IPO11: variants seen among roughly 807,000 people sequenced by gnomAD.
The protein encoded by IPO11 is importin-11.
A neutral mutation model predicts 143.2 loss-of-function variants in IPO11; 66 were observed. That is an observed-to-expected ratio of 0.46 (90% CI 0.38 to 0.57). IPO11 has a LOEUF of 0.57. IPO11 is among the 20% of genes least tolerant of loss of function. IPO11 has a pLI of 0.00. For synonymous variants in IPO11, 385 were observed against 377.8 expected, an observed-to-expected ratio of 1.02 and a Z score of -0.22; for missense variants, 1,026 against 1,141.0, an observed-to-expected ratio of 0.90 and a Z score of 1.45.
intron 1 of IPO11, among the ~76,000 whole-genome samples, chr5:62,432,142 C>T (rs1308419568): frequency 6.6e-6 from 1 of 152,082 alleles, no homozygotes; most frequent in African/African-American, 2.4e-5. Context: ...TTCCTTTTAC[C>T]ACACCGTACT....
chr5:62,614,952 T>C (rs1209018939), intron 29 of IPO11, among the ~76,000 whole-genome samples: 3 of 152,112 alleles, frequency 2.0e-5, no homozygotes, highest in East Asian at 1.9e-4. Flanking sequence ...CCCTAGACTT[T>C]AGCCATCCAG....
At chr5:62,503,452 T>C (rs887821174) in intron 16 of IPO11, among the ~76,000 whole-genome samples, 10 of 150,332 alleles carry the variant, frequency 6.7e-5, no homozygotes, top group Non-Finnish European at 1.2e-4. Flanking sequence ...ATTCTATTAA[T>C]AGTTTAATAT....
intron 26 of IPO11, among the ~76,000 whole-genome samples, chr5:62,554,782 C>A (rs944329423): frequency 1.3e-5 from 2 of 152,152 alleles, no homozygotes; most frequent in Non-Finnish European, 2.9e-5. Flanking sequence ...GTGGCAGAAT[C>A]TTGGCTCACT....
intron 29 of IPO11, among the ~76,000 whole-genome samples, chr5:62,621,057 C>T (rs371780897): frequency 6.6e-6 from 1 of 152,320 alleles, no homozygotes; most frequent in South Asian, 2.1e-4. Context: ...ATCATTTCTG[C>T]TCACATTCCA....
At chr5:62,472,301 A>C (rs1425677959) in intron 7 of IPO11, among the ~76,000 whole-genome samples, 1 of 152,162 alleles carries the variant, frequency 6.6e-6, no homozygotes, top group Non-Finnish European at 1.5e-5. Context: ...TTTTAAGTGA[A>C]AATGAATTGA....
At chr5:62,454,604 TG>T in intron 5 of IPO11, among the ~76,000 whole-genome samples, 1 of 152,328 alleles carries the variant, frequency 6.6e-6, no homozygotes, top group Non-Finnish European at 1.5e-5. Flanking sequence ...GCTTCTTGCT[TG>T]TTTTTTTTTG....
intron 7 of IPO11, among the ~76,000 whole-genome samples, chr5:62,473,873 A>G (rs1745869825): frequency 6.6e-6 from 1 of 152,174 alleles, no homozygotes; most frequent in South Asian, 2.1e-4. Flanking sequence ...ATCTAATACT[A>G]GTATCTGAGG....
intron 27 of IPO11, among the ~76,000 whole-genome samples, chr5:62,569,004 T>C (rs566498323): frequency 5.9e-5 from 9 of 152,356 alleles, no homozygotes; most frequent in Non-Finnish European, 1.3e-4. Context: ...TTCACCAGCC[T>C]GAGGGACTTG....
chr5:62,506,458 A>T, intron 19 of IPO11, 101 bp downstream of exon 19: 1 of 641,480 alleles, frequency 1.6e-6, no homozygotes, highest in Non-Finnish European at 2.7e-6. Flanking sequence ...TAAAACATTA[A>T]TTGAAATGCT....
At chr5:62,595,602 A>T (rs1173024817) in intron 28 of IPO11, among the ~76,000 whole-genome samples, 1 of 152,156 alleles carries the variant, frequency 6.6e-6, no homozygotes, top group East Asian at 1.9e-4. Flanking sequence ...CTTCCAAGAT[A>T]AATGGATAGT....
chr5:62,470,207 A>G, intron 6 of IPO11, 43 bp from the exon 7 acceptor site: 1 of 1,542,152 alleles, frequency 6.5e-7, no homozygotes, highest in Non-Finnish European at 9.0e-7. Context: ...TAATTTTAGT[A>G]GGATAAAATA....
chr5:62,421,183 T>C (rs1485153817), intron 1 of IPO11, among the ~76,000 whole-genome samples: 1 of 152,246 alleles, frequency 6.6e-6, no homozygotes, highest in Non-Finnish European at 1.5e-5. Flanking sequence ...TATTTTCTGC[T>C]TACACCCTTT....
chr5:62,458,266 C>G (rs998274616), intron 5 of IPO11, among the ~76,000 whole-genome samples: 5 of 150,866 alleles, frequency 3.3e-5, no homozygotes, highest in Non-Finnish European at 5.9e-5. Flanking sequence ...CATGTTGATT[C>G]TGTTTCTTAT....
chr5:62,610,315 T>G (rs1745881782), intron 29 of IPO11, among the ~76,000 whole-genome samples: 1 of 152,224 alleles, frequency 6.6e-6, no homozygotes, highest in Admixed American at 6.5e-5. Context: ...TGGCACAAGA[T>G]GATCTTTACA....
chr5:62,469,871 T>C (rs1205236172), intron 6 of IPO11, among the ~76,000 whole-genome samples: 1 of 152,254 alleles, frequency 6.6e-6, no homozygotes, highest in Non-Finnish European at 1.5e-5. Flanking sequence ...TCCATTAATA[T>C]AGCCGAAAAC....
At chr5:62,444,618 G>A (rs1014131307) in intron 3 of IPO11, among the ~76,000 whole-genome samples, 11 of 151,928 alleles carry the variant, frequency 7.2e-5, no homozygotes, top group Non-Finnish European at 1.5e-4. Flanking sequence ...GCTCACACCT[G>A]TAATCCCAGC....
chr5:62,578,809 A>T, intron 27 of IPO11: 2 of 429,676 alleles, frequency 4.7e-6, no homozygotes, highest in South Asian at 1.7e-5. Flanking sequence ...AAAAAAAAAA[A>T]AGTGGTGGGG....
intron 14 of IPO11, 76 bp downstream of exon 14, chr5:62,489,425 G>A (rs1746526077): frequency 1.9e-6 from 2 of 1,070,444 alleles, no homozygotes; most frequent in African/African-American, 1.6e-5. Flanking sequence ...TAGATTTTGT[G>A]CTGAGGGTGT....
At chr5:62,417,321 A>ATTTTTTTTTTTTTTTTTTTTT (rs34767317) in intron 1 of IPO11, among the ~76,000 whole-genome samples, 1 of 65,330 alleles carries the variant, frequency 1.5e-5, no homozygotes. Context: ...TTATTGGTTA[A>ATTTTTTTTTTTTTTTTTTTTT]TTTTTTTTTT....
Sources: allele counts gnomAD v4.1 joint callset (sites outside exome capture counted in the v4.1 genomes callset), GRCh38; gene constraint gnomAD v4.1.1; transcripts MANE v1.5; gene names NCBI Gene and HGNC (gene_info 2026-07-23, HGNC 2026-07-21).